Variants in DSCAML1 observed in about 807,000 individuals in gnomAD.
DSCAML1 encodes the protein cell adhesion molecule DSCAML1.
In DSCAML1, 38 loss-of-function variants were observed where a neutral mutation model predicts 200.5. The observed-to-expected ratio is 0.19, with a 90% CI of 0.15 to 0.25. The LOEUF is 0.25. Ranked by LOEUF, DSCAML1 falls within the 10% of genes least tolerant of loss-of-function variation. The probability of loss-of-function intolerance (pLI) is 1.00; values close to 1 mark genes in which losing one functional copy is unlikely to be tolerated. For synonymous variants in DSCAML1, 1,215 were observed against 1,165.0 expected (o/e 1.04, Z -0.87); for missense variants, 2,223 against 2,858.8 (o/e 0.78, Z 5.07).
chr11:117,432,523 T>A lies in DSCAML1; in HGVS notation c.5027-19A>T. On this transcript the variant is annotated intron_variant, in intron 29 of 32. Transcript: ENST00000651296. ...TCATCTCCTGGGGAAAGAAGGACAA[T>A]TACTGGGAGTCCTTTACAATTGTTT... is the stretch of plus-strand genomic sequence containing the variant. 4 of 1,610,392 alleles carry A rather than the reference T, an allele frequency of 2.5e-6. No individual in the cohort carries two copies. Among genetic ancestry groups the A allele is most frequent in the Non-Finnish European group, 2.5e-6 (3 of 1,178,412 alleles).
At chr11:117,465,295 C>T (rs1388481396) in intron 16 of DSCAML1, 113 bp from the exon 17 acceptor site, 12 of 1,426,074 alleles carry the variant, frequency 8.4e-6, no homozygotes, top group Non-Finnish European at 1.0e-5. Flanking sequence ...CAAAGGCTCC[C>T]ATCTCACTCA....
chr11:117,756,675 G>A (rs1173385085), intron 3 of DSCAML1, among the ~76,000 whole-genome samples: 1 of 152,054 alleles, frequency 6.6e-6, no homozygotes, highest in Non-Finnish European at 1.5e-5. Flanking sequence ...AGGGCCAAGG[G>A]CTACTAAAAG....
chr11:117,648,538 G>C (rs2052567449), intron 3 of DSCAML1, among the ~76,000 whole-genome samples: 1 of 152,234 alleles, frequency 6.6e-6, no homozygotes, highest in Admixed American at 6.5e-5. Context: ...ATAAGGGGAA[G>C]AGCACAGGCT....
rs1315867214 is a variant in DSCAML1, at chr11:117,516,955, G to GT, written c.1511-217dup. On this transcript the variant is annotated intron_variant, in intron 7 of 32. Transcript: ENST00000651296. The surrounding 1 kb of genome is among the most constrained non-coding windows in gnomAD (Gnocchi z 5.7). Reference sequence around the variant, plus strand: ...GCCCACAGTCTCTCCAGGACTCACTGTTACTAGCTTCAAAGAGTTGCAAAC... The same window carrying GT: ...GCCCACAGTCTCTCCAGGACTCACTGTTTACTAGCTTCAAAGAGTTGCAAAC... Among the ~76,000 whole-genome samples the GT allele has an allele frequency of 6.6e-6, 1 of 152,202 alleles. No individual in the cohort carries two copies. Among genetic ancestry groups the GT allele is most frequent in the Non-Finnish European group, 1.5e-5 (1 of 68,042 alleles).
chr11:117,544,047 A>G (rs1053705876), intron 3 of DSCAML1, among the ~76,000 whole-genome samples: 1 of 152,048 alleles, frequency 6.6e-6, no homozygotes, highest in African/African-American at 2.4e-5. Flanking sequence ...CAGAGGGAGG[A>G]GGAAGCGAAT....
intron 3 of DSCAML1, among the ~76,000 whole-genome samples, chr11:117,757,573 T>TACACACACACACACACACAC (rs5795104): frequency 6.1e-4 from 90 of 146,896 alleles, no homozygotes; most frequent in Admixed American, 4.8e-4. Flanking sequence ...TAGGAGCCTA[T>TACACACACACACACACACAC]ACACACACAC....
chr11:117,707,525 T>G (rs1349195863), intron 3 of DSCAML1, among the ~76,000 whole-genome samples: 1 of 151,620 alleles, frequency 6.6e-6, no homozygotes, highest in Non-Finnish European at 1.5e-5. Context: ...AGGAAGTTTT[T>G]CTTTTTATTC....
At chr11:117,533,622 G>A (rs182698034) in intron 3 of DSCAML1, among the ~76,000 whole-genome samples, 20 of 152,304 alleles carry the variant, frequency 1.3e-4, no homozygotes, top group African/African-American at 4.6e-4. Context: ...TCTCTGCCCC[G>A]ACTGTTGGGA....
chr11:117,798,941 G>C (rs2055630869), upstream of DSCAML1, among the ~76,000 whole-genome samples: 1 of 152,144 alleles, frequency 6.6e-6, no homozygotes, highest in Non-Finnish European at 1.5e-5. Context: ...ATTTGCAGGA[G>C]GTGTTTTGTC....
At chr11:117,816,246 G>A (rs1221546444) in intron 1 of DSCAML1, among the ~76,000 whole-genome samples, 1 of 152,210 alleles carries the variant, frequency 6.6e-6, no homozygotes, top group Non-Finnish European at 1.5e-5. Flanking sequence ...CCCTTCCGTG[G>A]CTCTCCCAGT....
At chr11:117,802,230 G>A (rs970505495), upstream of DSCAML1, among the ~76,000 whole-genome samples, 69 of 152,154 alleles carry the variant, frequency 4.5e-4, no homozygotes, top group African/African-American at 1.6e-3. Flanking sequence ...CCTGTTTAAG[G>A]CTTCCCATTC....
At chr11:117,459,783 T>C (rs1158977257) in intron 18 of DSCAML1, among the ~76,000 whole-genome samples, 2 of 152,142 alleles carry the variant, frequency 1.3e-5, no homozygotes, top group African/African-American at 2.4e-5. Context: ...ACCAGCCTCG[T>C]AGACATGAGT....
At chr11:117,532,934 T>C (rs982318918) in intron 3 of DSCAML1, among the ~76,000 whole-genome samples, 1 of 151,106 alleles carries the variant, frequency 6.6e-6, no homozygotes, top group African/African-American at 2.4e-5. Flanking sequence ...AGTTGGAGAC[T>C]AGCCTGGGCA....
In DSCAML1 at chr11:117,428,187, G is replaced by A. The variant is rs2047697839; in HGVS notation, c.*141C>T. ...GTACAAAAGAGTTCTATGTACAGGC[G>A]TTCATGATTGGGGGTTTTTGTTTTG... On this transcript the variant is annotated 3_prime_UTR_variant, in exon 33 of 33. Coordinates refer to ENST00000651296, the MANE Select transcript of DSCAML1 (RefSeq NM_020693.4). 1.6e-6 allele frequency: 1 copy of A among 625,074 alleles called. No homozygotes were observed. The highest frequency in any genetic ancestry group is 1.9e-5 in the South Asian group (1 of 53,506). The allele number at this position is 625,074 out of a possible 1,614,324, so 38.7% of individuals were successfully genotyped here. A position where few individuals can be genotyped will look rare whatever the true frequency, so the allele number is the denominator to read the frequency against.
chr11:117,731,771 A>G (rs575752088), intron 3 of DSCAML1, among the ~76,000 whole-genome samples: 1 of 152,328 alleles, frequency 6.6e-6, no homozygotes, highest in East Asian at 1.9e-4. Flanking sequence ...TTGTCTTTGC[A>G]GTTTCACTAT....
chr11:117,577,659 C>T (rs1171252906), intron 3 of DSCAML1, among the ~76,000 whole-genome samples: 2 of 151,278 alleles, frequency 1.3e-5, no homozygotes, highest in Admixed American at 6.6e-5. Context: ...CTCTGCCTCC[C>T]GGGTTCAAGC....
intron 19 of DSCAML1, among the ~76,000 whole-genome samples, chr11:117,457,160 C>T (rs2048388355): frequency 6.6e-6 from 1 of 152,188 alleles, no homozygotes; most frequent in African/African-American, 2.4e-5. Flanking sequence ...CATGCACTTC[C>T]GCTGTATTTA....
intron 3 of DSCAML1, among the ~76,000 whole-genome samples, chr11:117,562,492 C>A (rs1402489262): frequency 6.6e-6 from 1 of 151,974 alleles, no homozygotes; most frequent in Non-Finnish European, 1.5e-5. Context: ...ATGTGTTTAA[C>A]CCCACTTTGT....
chr11:117,641,309 A>AG (rs946829333), intron 3 of DSCAML1, among the ~76,000 whole-genome samples: 1 of 152,182 alleles, frequency 6.6e-6, no homozygotes, highest in Admixed American at 6.5e-5. Context: ...ATTGCTGGGG[A>AG]GGGGGCAACC....
Sources: allele counts gnomAD v4.1 joint callset (sites outside exome capture counted in the v4.1 genomes callset), GRCh38; gene constraint gnomAD v4.1.1; non-coding constraint Gnocchi (gnomAD v3.1); transcripts MANE v1.5; gene names NCBI Gene and HGNC (gene_info 2026-07-23, HGNC 2026-07-21).